Variants in LOC122539214 observed in about 807,000 individuals in gnomAD.
chr19:52,688,703 G>C, the LOC122539214 span, among the ~76,000 whole-genome samples: 1 of 151,730 alleles, frequency 6.6e-6, no homozygotes, highest in Non-Finnish European at 1.5e-5. Flanking sequence ...CCAATCTTTT[G>C]ATCATCCTCT....
the LOC122539214 span, among the ~76,000 whole-genome samples, chr19:52,660,020 T>A: frequency 1.3e-5 from 2 of 151,808 alleles, no homozygotes; most frequent in African/African-American, 4.8e-5. Flanking sequence ...GTGAAACCCA[T>A]CTCTACTAAA....
At chr19:52,676,414 A>G in the LOC122539214 span, among the ~76,000 whole-genome samples, 1 of 151,542 alleles carries the variant, frequency 6.6e-6, no homozygotes. Context: ...CCGTCTGGGA[A>G]GTGAGGAGCG....
chr19:52,685,146 G>A, the LOC122539214 span, among the ~76,000 whole-genome samples: 1 of 152,142 alleles, frequency 6.6e-6, no homozygotes, highest in Non-Finnish European at 1.5e-5. Context: ...CAGAAGAAAA[G>A]CCACACCCAG....
the LOC122539214 span, among the ~76,000 whole-genome samples, chr19:52,680,652 G>T: frequency 7.9e-5 from 9 of 114,054 alleles, no homozygotes; most frequent in African/African-American, 1.1e-4. Context: ...TCGCTCTGTC[G>T]CCCAGGCTGG....
At chr19:52,677,234 T>A in the LOC122539214 span, among the ~76,000 whole-genome samples, 1 of 149,238 alleles carries the variant, frequency 6.7e-6, no homozygotes, top group Non-Finnish European at 1.5e-5. Context: ...CCACAAAGCA[T>A]GAGTGAGACT....
chr19:52,689,379 C>T, the LOC122539214 span, among the ~76,000 whole-genome samples: 2 of 149,774 alleles, frequency 1.3e-5, no homozygotes, highest in African/African-American at 2.5e-5. Context: ...TTCTCTCTTC[C>T]CTGTTATACC....
At chr19:52,679,977 C>T in the LOC122539214 span, among the ~76,000 whole-genome samples, 1 of 152,124 alleles carries the variant, frequency 6.6e-6, no homozygotes, top group African/African-American at 2.4e-5. Flanking sequence ...GGTTGGGGTT[C>T]GAGACCAGAC....
At chr19:52,666,080 T>C in the LOC122539214 span, among the ~76,000 whole-genome samples, 2 of 147,610 alleles carry the variant, frequency 1.4e-5, no homozygotes, top group Non-Finnish European at 3.0e-5. Flanking sequence ...GGGAGAATGG[T>C]GTGAACCCGG....
the LOC122539214 span, among the ~76,000 whole-genome samples, chr19:52,661,138 C>A: frequency 6.6e-6 from 1 of 152,116 alleles, no homozygotes; most frequent in South Asian, 2.1e-4. Flanking sequence ...GCTATGATTA[C>A]AGGGGTAAAC....
chr19:52,681,627 A>G, the LOC122539214 span, among the ~76,000 whole-genome samples: 1 of 152,160 alleles, frequency 6.6e-6, no homozygotes, highest in Non-Finnish European at 1.5e-5. Flanking sequence ...AATTACCACA[A>G]ATCAAATAGC....
the LOC122539214 span, among the ~76,000 whole-genome samples, chr19:52,683,818 C>T: frequency 4.6e-5 from 7 of 152,242 alleles, no homozygotes; most frequent in South Asian, 4.2e-4. Flanking sequence ...CTCAGTCTTC[C>T]GAGGACACCT....
At chr19:52,676,219 G>A in the LOC122539214 span, among the ~76,000 whole-genome samples, 1 of 152,238 alleles carries the variant, frequency 6.6e-6, no homozygotes, top group Non-Finnish European at 1.5e-5. Flanking sequence ...CTAACCGTGA[G>A]TGATCTGCCA....
At chr19:52,662,040 G>C in the LOC122539214 span, among the ~76,000 whole-genome samples, 1 of 149,668 alleles carries the variant, frequency 6.7e-6, no homozygotes, top group South Asian at 2.1e-4. Flanking sequence ...CAGGAGATGA[G>C]ATCAGGGAGG....
chr19:52,687,900 T>A, the LOC122539214 span, among the ~76,000 whole-genome samples: 1 of 151,564 alleles, frequency 6.6e-6, no homozygotes, highest in Non-Finnish European at 1.5e-5. Flanking sequence ...CTGCCCCACG[T>A]CCTACCCCAC....
At chr19:52,685,608 T>A in the LOC122539214 span, among the ~76,000 whole-genome samples, 1 of 151,932 alleles carries the variant, frequency 6.6e-6, no homozygotes. Flanking sequence ...ATCAAGAATA[T>A]ATGGGTGGTC....
At chr19:52,659,269 G>A in the LOC122539214 span, among the ~76,000 whole-genome samples, 1 of 151,956 alleles carries the variant, frequency 6.6e-6, no homozygotes, top group East Asian at 1.9e-4. Flanking sequence ...TGAGGAACGC[G>A]ACCCCCGAAA....
the LOC122539214 span, among the ~76,000 whole-genome samples, chr19:52,683,528 A>ACCCTCCCTCTG: frequency 4.8e-5 from 4 of 82,678 alleles, no homozygotes; most frequent in Non-Finnish European, 9.3e-5. Context: ...ATCCAAAGGG[A>ACCCTCCCTCTG]AGGGCAAAGT....
At chr19:52,687,767 G>C in the LOC122539214 span, among the ~76,000 whole-genome samples, 11 of 146,986 alleles carry the variant, frequency 7.5e-5, no homozygotes, top group South Asian at 1.7e-3. Context: ...CAAGGCTGCA[G>C]TTAGAGGAGA....
At chr19:52,685,223 GC>G in the LOC122539214 span, among the ~76,000 whole-genome samples, 1 of 152,124 alleles carries the variant, frequency 6.6e-6, no homozygotes, top group African/African-American at 2.4e-5. Flanking sequence ...TTCTGGTCTA[GC>G]CCCTCATCTC....
Sources: gnomAD v4.1 joint callset for allele counts (sites outside exome capture counted in the v4.1 genomes callset) on GRCh38, gnomAD v4.1.1 for gene constraint, MANE v1.5 for transcripts.